NAALADL2: variants seen among roughly 807,000 people sequenced by gnomAD.
The protein encoded by NAALADL2 is inactive N-acetylated-alpha-linked acidic dipeptidase-like protein 2.
Under a neutral mutation model 87.2 loss-of-function variants are expected in NAALADL2, and 76 were observed. The ratio of observed to expected loss-of-function variants is 0.87; its 90% CI spans 0.72 to 1.05. The LOEUF (loss-of-function observed/expected upper bound fraction) is 1.05. Ranked by LOEUF, NAALADL2 falls within the 50% of genes least tolerant of loss-of-function variation. The probability of loss-of-function intolerance (pLI) is 0.00; values close to 1 mark genes in which losing one functional copy is unlikely to be tolerated. For synonymous variants in NAALADL2, 354 were observed against 331.0 expected, an observed-to-expected ratio of 1.07 and a Z score of -0.75; for missense variants, 1,089 against 945.8, an observed-to-expected ratio of 1.15 and a Z score of -1.99.
chr3:174,469,383 G>A (rs1194133465), intron 1 of NAALADL2, among the ~76,000 whole-genome samples: 2 of 151,062 alleles, frequency 1.3e-5, no homozygotes, highest in African/African-American at 4.9e-5. Context: ...TCAGCCTCCG[G>A]AATAACTGGG....
intron 5 of NAALADL2, among the ~76,000 whole-genome samples, chr3:175,393,797 C>G (rs1009541272): frequency 6.6e-6 from 1 of 152,186 alleles, no homozygotes; most frequent in African/African-American, 2.4e-5. Context: ...ATATAACGCT[C>G]TTGTCCAACA....
intron 11 of NAALADL2, among the ~76,000 whole-genome samples, chr3:175,734,773 C>G (rs1319272627): frequency 2.0e-5 from 3 of 152,130 alleles, no homozygotes; most frequent in Non-Finnish European, 2.9e-5. Context: ...GCAGAGGGAC[C>G]CTGGGCCTGG....
intron 2 of NAALADL2, among the ~76,000 whole-genome samples, chr3:174,660,630 G>A (rs704995): frequency 0.84 from 128,081 of 152,168 alleles, 54,285 homozygotes; most frequent in African/African-American, 0.94. Context: ...TTGAAAGTTA[G>A]TTATTGGACT....
intron 4 of NAALADL2, among the ~76,000 whole-genome samples, chr3:175,265,980 A>C (rs1433113860): frequency 7.1e-6 from 1 of 140,068 alleles, no homozygotes; most frequent in Non-Finnish European, 1.6e-5. Flanking sequence ...TTGGGTTTAT[A>C]GATCATATAT....
At chr3:175,647,077 G>T (rs975676542) in intron 11 of NAALADL2, among the ~76,000 whole-genome samples, 3 of 152,002 alleles carry the variant, frequency 2.0e-5, no homozygotes, top group Non-Finnish European at 2.9e-5. Context: ...AGGATGCAGT[G>T]GTTCTTAAAT....
At chr3:174,963,367 G>A (rs978862379) in intron 1 of NAALADL2, among the ~76,000 whole-genome samples, 5 of 152,174 alleles carry the variant, frequency 3.3e-5, no homozygotes, top group African/African-American at 1.2e-4. Context: ...ATGGATATTG[G>A]CATAAAAAAT....
chr3:174,903,335 A>T (rs1443875471), intron 1 of NAALADL2, among the ~76,000 whole-genome samples: 4 of 152,088 alleles, frequency 2.6e-5, no homozygotes, highest in African/African-American at 9.7e-5. Context: ...AAGTGTTCAA[A>T]ATGCTTGTAT....
At chr3:174,767,914 T>C (rs1714053262) in intron 3 of NAALADL2, among the ~76,000 whole-genome samples, 1 of 152,176 alleles carries the variant, frequency 6.6e-6, no homozygotes, top group South Asian at 2.1e-4. Context: ...TGTTCAAAAC[T>C]GAGAGGTTTG....
intron 9 of NAALADL2, among the ~76,000 whole-genome samples, chr3:175,544,818 G>T (rs1056705069): frequency 6.6e-6 from 1 of 152,006 alleles, no homozygotes; most frequent in African/African-American, 2.4e-5. Context: ...ACCTAGCCAA[G>T]ATTTTTCTGC....
chr3:175,111,584 A>C (rs1156901688), intron 2 of NAALADL2, among the ~76,000 whole-genome samples: 1 of 151,692 alleles, frequency 6.6e-6, no homozygotes, highest in African/African-American at 2.4e-5. Context: ...AATAAAAGAA[A>C]CAAAATTTGA....
At chr3:175,011,228 C>G (rs1468535841) in intron 1 of NAALADL2, among the ~76,000 whole-genome samples, 1 of 149,386 alleles carries the variant, frequency 6.7e-6, no homozygotes, top group Admixed American at 6.7e-5. Context: ...CTTACAGATT[C>G]AGCCACAGAG....
At chr3:175,686,807 AT>A (rs1454597591) in intron 11 of NAALADL2, among the ~76,000 whole-genome samples, 1 of 152,148 alleles carries the variant, frequency 6.6e-6, no homozygotes, top group Non-Finnish European at 1.5e-5. Context: ...ACATATCCTA[AT>A]TTGAAGGAAG....
At position 175,283,842 on chromosome 3, in the gene NAALADL2, C is replaced by G. The variant is rs568568350; in HGVS notation, c.939+27312C>G. Among the ~76,000 whole-genome samples, 23 of 152,152 alleles carry G rather than the reference C, an allele frequency of 1.5e-4. No individual in the cohort carries two copies. The East Asian group carries it at 3.7e-3, about 24-fold the overall frequency. On this transcript the variant is annotated intron_variant, in intron 4 of 13. Transcript: ENST00000454872. ...CATAAAATCTGGACATGAGCTTAAT[C>G]ACTAGAGAGATTTATCTCTATACCA...
intron 11 of NAALADL2, among the ~76,000 whole-genome samples, chr3:175,709,429 C>T (rs1740213684): frequency 6.6e-6 from 1 of 152,134 alleles, no homozygotes; most frequent in East Asian, 1.9e-4. Flanking sequence ...AACAGAGACA[C>T]ATAGCAAATG....
rs561139130 is a variant in NAALADL2, at chr3:175,366,066, T to A, written c.1090+41741T>A. Among the ~76,000 whole-genome samples, 169 of 119,592 alleles carry A rather than the reference T, an allele frequency of 1.4e-3. 3 individuals are homozygous for A. Among genetic ancestry groups the A allele is most frequent in the African/African-American group, 5.0e-3 (164 of 32,552 alleles). The allele number at this position is 119,592 out of a possible 152,430, so 78.5% of individuals were successfully genotyped here. A position where few individuals can be genotyped will look rare whatever the true frequency, so the allele number is the denominator to read the frequency against. ...ATGTTCCCCTTCCTGTGTCCATGTG[T>A]TCTCATTGTTCAATTCCCATCTGTG... is the stretch of plus-strand genomic sequence containing the variant. On this transcript the variant is annotated intron_variant, in intron 5 of 13. Coordinates refer to ENST00000454872, the MANE Select transcript of NAALADL2 (RefSeq NM_207015.3).
At chr3:175,533,053 A>G (rs917731861) in intron 9 of NAALADL2, among the ~76,000 whole-genome samples, 1 of 152,092 alleles carries the variant, frequency 6.6e-6, no homozygotes, top group Non-Finnish European at 1.5e-5. Flanking sequence ...CCATTTTTAA[A>G]CCGTATTCCA....
At chr3:174,602,917 A>G (rs866493091) in intron 2 of NAALADL2, among the ~76,000 whole-genome samples, 3 of 151,964 alleles carry the variant, frequency 2.0e-5, no homozygotes, top group African/African-American at 7.2e-5. Flanking sequence ...TGTTGATGTA[A>G]TGTATCACCC....
intron 1 of NAALADL2, among the ~76,000 whole-genome samples, chr3:174,453,279 A>T (rs1223258765): frequency 2.6e-5 from 4 of 152,190 alleles, no homozygotes; most frequent in Admixed American, 1.3e-4. Context: ...GAAATATGGG[A>T]TTACATAAAG....
intron 11 of NAALADL2, among the ~76,000 whole-genome samples, chr3:175,636,824 G>C (rs1728632184): frequency 6.6e-6 from 1 of 152,048 alleles, no homozygotes; most frequent in Non-Finnish European, 1.5e-5. Flanking sequence ...TTTTTGGATA[G>C]TAATTTACAT....
Sources: allele counts gnomAD v4.1 joint callset (sites outside exome capture counted in the v4.1 genomes callset), GRCh38; gene constraint gnomAD v4.1.1; transcripts MANE v1.5; gene names NCBI Gene and HGNC (gene_info 2026-07-23, HGNC 2026-07-21).